The following UBE2E1 variants were observed in gnomAD, a reference collection of about 807,000 sequenced individuals.
UBE2E1 encodes the protein ubiquitin conjugating enzyme E2 E1.
Under a neutral mutation model 21.4 loss-of-function variants are expected in UBE2E1, and 6 were observed. The observed-to-expected ratio is 0.28, with a 90% CI of 0.15 to 0.55. UBE2E1 has a LOEUF of 0.55. UBE2E1 is among the 20% of genes least tolerant of loss of function. The pLI is 0.93. For synonymous variants in UBE2E1, 87 were observed against 82.7 expected (o/e 1.05, Z -0.28); for missense variants, 142 against 236.5 (o/e 0.60, Z 2.62).
chr3:23,847,934 T>TAC (rs1368344482), intron 3 of UBE2E1, among the ~76,000 whole-genome samples: 1 of 152,210 alleles, frequency 6.6e-6, no homozygotes, highest in East Asian at 1.9e-4. Context: ...CTGTGTGAAT[T>TAC]ACTTTAGATA....
intron 5 of UBE2E1, among the ~76,000 whole-genome samples, chr3:23,890,094 G>A (rs761494766): frequency 5.3e-5 from 8 of 152,090 alleles, no homozygotes; most frequent in East Asian, 1.9e-4. Context: ...CAACAGCCCC[G>A]AAGACTTCAC....
chr3:23,877,686 T>A (rs562985170), intron 3 of UBE2E1, among the ~76,000 whole-genome samples: 3 of 152,310 alleles, frequency 2.0e-5, no homozygotes, highest in East Asian at 3.9e-4. Flanking sequence ...ATATGAATGA[T>A]GTACTTTATG....
chr3:23,811,491 GACCCTCC>G lies in UBE2E1; in HGVS notation c.188_194del (p.Pro63LeufsTer20), dbSNP rs1345808539. On this transcript the variant is annotated frameshift_variant, in exon 3 of 6. Transcript: ENST00000306627. LOFTEE classifies it high-confidence loss of function. ...GAAGGAGCTGGCGGACATCACTTTA[GACCCTCC>G]ACCTAATTGCAGGTGAGTTGCTTTT... 6.2e-7 allele frequency: 1 copy of G among 1,614,038 alleles called. No homozygotes were observed. The highest frequency in any genetic ancestry group is 8.5e-7 in the Non-Finnish European group (1 of 1,180,028).
chr3:23,879,016 G>T, intron 3 of UBE2E1: 1 of 495,276 alleles, frequency 2.0e-6, no homozygotes, highest in Admixed American at 2.2e-5. Context: ...CAGGTAAGCT[G>T]CAAATGCCAA....
In UBE2E1 at chr3:23,814,154, C is replaced by CA. The variant is rs1024222353; in HGVS notation, c.203+2654dup. Among the ~76,000 whole-genome samples the CA allele has an allele frequency of 1.4e-4, 21 of 146,572 alleles. No individual in the cohort carries two copies. In the South Asian group the frequency reaches 2.2e-3, roughly 15 times the overall value. ...TGGGCGACAGAGTGAGACCCTGTCT[C>CA]AAAAAAAAAAGTTGATTATTGCAAA... On this transcript the variant is annotated intron_variant, in intron 3 of 5. Transcript: ENST00000306627.
chr3:23,849,507 T>A (rs1006661421), intron 3 of UBE2E1, among the ~76,000 whole-genome samples: 1 of 152,132 alleles, frequency 6.6e-6, no homozygotes, highest in Non-Finnish European at 1.5e-5. Flanking sequence ...TCCCTCCCCT[T>A]ACCCCTCACC....
At position 23,806,422 on chromosome 3, in the gene UBE2E1, C is replaced by T. The variant is rs2125276533; in HGVS notation, c.-34+334C>T. 6.6e-6 allele frequency among the ~76,000 whole-genome samples: 1 copy of T among 151,852 alleles called. No homozygotes were observed. The highest frequency in any genetic ancestry group is 2.0e-4 in the East Asian group (1 of 5,106). On this transcript the variant is annotated intron_variant, in intron 1 of 5. Transcript: ENST00000306627. This position sits in a 1 kb window ranked among gnomAD's most constrained non-coding sequence, Gnocchi z 6.5. ...GGGGGTGGGAGGGAGTTGGGGGAGC[C>T]CCGTTTTCCCCAGGGGCGGGGGTTC...
At chr3:23,846,787 T>A (rs1700215416) in intron 3 of UBE2E1, among the ~76,000 whole-genome samples, 1 of 151,700 alleles carries the variant, frequency 6.6e-6, no homozygotes. Context: ...AGTATACCAT[T>A]TGAGATGGAA....
intron 3 of UBE2E1, among the ~76,000 whole-genome samples, chr3:23,882,722 G>A (rs1701079149): frequency 1.3e-5 from 2 of 152,216 alleles, no homozygotes; most frequent in African/African-American, 2.4e-5. Flanking sequence ...TGAGCCTGTT[G>A]CTGGCAGGCT....
At chr3:23,847,488 A>ATTTTTTTTTTTT (rs71057627) in intron 3 of UBE2E1, among the ~76,000 whole-genome samples, 1 of 96,132 alleles carries the variant, frequency 1.0e-5, no homozygotes, top group Non-Finnish European at 2.0e-5. Flanking sequence ...TGTACTTTAA[A>ATTTTTTTTTTTT]TTTTTTTTTT....
At chr3:23,868,208 C>G (rs899530811) in intron 3 of UBE2E1, among the ~76,000 whole-genome samples, 2 of 152,232 alleles carry the variant, frequency 1.3e-5, no homozygotes, top group South Asian at 4.1e-4. Context: ...ATAGCCCAGA[C>G]TTAGTATCCC....
intron 2 of UBE2E1, 114 bp from the exon 3 acceptor site, chr3:23,811,346 C>A: frequency 1.0e-6 from 1 of 968,534 alleles, no homozygotes; most frequent in Non-Finnish European, 1.6e-6. Flanking sequence ...CCTCTTTGCC[C>A]AGTAGAATCC....
At position 23,865,166 on chromosome 3, in the gene UBE2E1, T is replaced by TGTCCTCATCTG. The variant is rs570818478; in HGVS notation, c.204-22400_204-22390dup. The stretch of plus-strand genomic sequence containing the variant: ...TGTAGTCAAGGAGTCAGCTGGCCTG[T>TGTCCTCATCTG]GTCCTCATCTGTAGCTCTTACAAGG... On this transcript the variant is annotated intron_variant, in intron 3 of 5. Coordinates refer to ENST00000306627, the MANE Select transcript of UBE2E1 (RefSeq NM_003341.5). 3.1e-4 allele frequency among the ~76,000 whole-genome samples: 47 copies of TGTCCTCATCTG among 152,342 alleles called. 1 individual carries two copies. The East Asian group carries it at 9.1e-3, about 29-fold the overall frequency.
chr3:23,829,891 G>A (rs184429150), intron 3 of UBE2E1, among the ~76,000 whole-genome samples: 147 of 152,282 alleles, frequency 9.7e-4, no homozygotes, highest in African/African-American at 3.3e-3. Flanking sequence ...CTGGGTTCTT[G>A]AGGAGTTTGC....
intron 3 of UBE2E1, among the ~76,000 whole-genome samples, chr3:23,814,148 C>G (rs1171150901): frequency 6.6e-6 from 1 of 151,820 alleles, no homozygotes; most frequent in African/African-American, 2.4e-5. Context: ...GAGTGAGACC[C>G]TGTCTCAAAA....
intron 3 of UBE2E1, among the ~76,000 whole-genome samples, chr3:23,885,973 G>C (rs1019786449): frequency 1.2e-4 from 19 of 152,260 alleles, no homozygotes; most frequent in Non-Finnish European, 2.6e-4. Flanking sequence ...GAGGTAGGAG[G>C]ATTGCTTGAG....
intron 3 of UBE2E1, among the ~76,000 whole-genome samples, chr3:23,868,095 A>G (rs948478704): frequency 3.9e-5 from 6 of 152,222 alleles, no homozygotes; most frequent in African/African-American, 1.2e-4. Flanking sequence ...AAAATAAGTC[A>G]AAAGATCTCC....
intron 3 of UBE2E1, among the ~76,000 whole-genome samples, chr3:23,886,455 A>T (rs114494828): frequency 6.6e-6 from 1 of 152,100 alleles, no homozygotes; most frequent in Non-Finnish European, 1.5e-5. Flanking sequence ...TCGGTTGCCC[A>T]TATTTTCTCC....
intron 3 of UBE2E1, among the ~76,000 whole-genome samples, chr3:23,812,350 T>C (rs1017032183): frequency 6.6e-6 from 1 of 152,212 alleles, no homozygotes; most frequent in African/African-American, 2.4e-5. Flanking sequence ...TGGAAAGGGA[T>C]GTGAGATTTC....
Sources: allele counts gnomAD v4.1 joint callset (sites outside exome capture counted in the v4.1 genomes callset), GRCh38; gene constraint gnomAD v4.1.1; non-coding constraint Gnocchi (gnomAD v3.1); transcripts MANE v1.5; gene names NCBI Gene and HGNC (gene_info 2026-07-23, HGNC 2026-07-21).